ARL8B: variants seen among roughly 807,000 people sequenced by gnomAD.
The protein encoded by ARL8B is ADP-ribosylation factor-like protein 8B.
Under a neutral mutation model 30.6 loss-of-function variants are expected in ARL8B, and 9 were observed. The observed-to-expected ratio is 0.29, with a 90% CI of 0.18 to 0.51. ARL8B has a LOEUF of 0.51. Among genes scored for constraint, ARL8B ranks in the 20% least tolerant of loss-of-function variants. The pLI is 0.97. For missense variants in ARL8B, 130 were observed against 227.2 expected (o/e 0.57, Z 2.75); for synonymous variants, 74 against 76.0 (o/e 0.97, Z 0.14).
intron 1 of ARL8B, among the ~76,000 whole-genome samples, chr3:5,126,181 A>T (rs2106551050): frequency 6.6e-6 from 1 of 151,508 alleles, no homozygotes; most frequent in African/African-American, 2.4e-5. Context: ...TATGTTGAGG[A>T]TGTAGTGATT....
At chr3:5,172,346 T>C in intron 3 of ARL8B, 123 bp downstream of exon 3, 1 of 819,172 alleles carries the variant, frequency 1.2e-6, no homozygotes, top group East Asian at 2.5e-5. Flanking sequence ...TCTTAGCTAA[T>C]ATCCTAGTGT....
At chr3:5,136,405 A>C (rs1344916583) in intron 1 of ARL8B, among the ~76,000 whole-genome samples, 9 of 152,172 alleles carry the variant, frequency 5.9e-5, no homozygotes, top group Admixed American at 5.9e-4. Context: ...AGTTATGAGG[A>C]ATCTGGGTTC....
At position 5,173,772 on chromosome 3, in the gene ARL8B, C is replaced by T. The variant is rs139712478; in HGVS notation, c.373-245C>T. On this transcript the variant is annotated intron_variant, in intron 4 of 6. Coordinates refer to ENST00000256496, the MANE Select transcript of ARL8B (RefSeq NM_018184.3). ...AGAATAGCAGAATGTGTATCATAGA[C>T]TCAGACTATTTTACATAGCAGTTGG... Among the ~76,000 whole-genome samples the T allele has an allele frequency of 1.3e-3, 205 of 152,280 alleles. 3 individuals carry two copies. In the East Asian group the frequency reaches 0.038, roughly 28 times the overall value.
At chr3:5,140,555 T>C (rs1359764376) in intron 1 of ARL8B, among the ~76,000 whole-genome samples, 1 of 138,774 alleles carries the variant, frequency 7.2e-6, no homozygotes, top group Non-Finnish European at 1.5e-5. Context: ...ATACACCTTC[T>C]TGGTTTTTTT....
chr3:5,138,604 A>G (rs192054061), intron 1 of ARL8B, among the ~76,000 whole-genome samples: 2 of 152,328 alleles, frequency 1.3e-5, no homozygotes, highest in African/African-American at 4.8e-5. Context: ...TGATGCAGTC[A>G]TCACATGTGA....
rs1239069274 is a variant in ARL8B, at chr3:5,172,147, A to C, written c.205-3A>C. On this transcript the variant is annotated splice_region_variant and splice_polypyrimidine_tract_variant and intron_variant, in intron 2 of 6. Transcript: ENST00000256496. ...TTAAGAATTGCCTTGTTTTGATTTAAAGATCTGGGACATAGGAGGACAACC... is the reference window on the plus strand; with the variant it reads ...TTAAGAATTGCCTTGTTTTGATTTACAGATCTGGGACATAGGAGGACAACC... The C allele has an allele frequency of 6.2e-7, 1 of 1,612,130 alleles. No individual in the cohort carries two copies. The highest frequency in any genetic ancestry group is 1.3e-5 in the African/African-American group (1 of 74,996).
intron 1 of ARL8B, among the ~76,000 whole-genome samples, chr3:5,148,743 G>C (rs1274256081): frequency 6.6e-6 from 1 of 152,166 alleles, no homozygotes; most frequent in Non-Finnish European, 1.5e-5. Context: ...GGCCAAAAAA[G>C]ATCGAAGGCT....
chr3:5,135,017 C>A (rs562401966), intron 1 of ARL8B, among the ~76,000 whole-genome samples: 123 of 152,190 alleles, frequency 8.1e-4, no homozygotes, highest in African/African-American at 2.9e-3. Flanking sequence ...CTTGGCTAAT[C>A]TTTGTGTTTT....
In ARL8B at chr3:5,147,526, TC is replaced by T. The variant is rs200971123; in HGVS notation, c.124-22975del. 4.6e-3 allele frequency among the ~76,000 whole-genome samples: 693 copies of T among 152,294 alleles called. 15 individuals carry two copies. The highest frequency in any genetic ancestry group is 0.041 in the Admixed American group (628 of 15,304). On this transcript the variant is annotated intron_variant, in intron 1 of 6. Transcript: ENST00000256496. ...GTAACATCCACTCTTAGGAGCTTTTTCCTGCGTTTCCCTTCTTTCTCTATGT... is the reference window on the plus strand; with the variant it reads ...GTAACATCCACTCTTAGGAGCTTTTTCTGCGTTTCCCTTCTTTCTCTATGT...
intron 1 of ARL8B, among the ~76,000 whole-genome samples, chr3:5,124,602 G>T (rs1028839659): frequency 6.6e-5 from 10 of 152,076 alleles, no homozygotes; most frequent in African/African-American, 2.2e-4. Flanking sequence ...AAGTAGCTGG[G>T]ACTACAGGCA....
chr3:5,158,877 A>C (rs952268254), intron 1 of ARL8B, among the ~76,000 whole-genome samples: 9 of 152,326 alleles, frequency 5.9e-5, no homozygotes, highest in South Asian at 4.1e-4. Flanking sequence ...AATTTTAATG[A>C]ATATGAAATT....
intron 1 of ARL8B, among the ~76,000 whole-genome samples, chr3:5,134,704 C>T (rs1364485752): frequency 1.3e-5 from 2 of 152,098 alleles, no homozygotes; most frequent in African/African-American, 2.4e-5. Flanking sequence ...GTCCTCATAG[C>T]CCAGTTAGGT....
At chr3:5,125,658 G>A (rs894357579) in intron 1 of ARL8B, among the ~76,000 whole-genome samples, 1 of 151,690 alleles carries the variant, frequency 6.6e-6, no homozygotes, top group African/African-American at 2.4e-5. Flanking sequence ...TCAGCCTCCC[G>A]AGTAGCTGGG....
At chr3:5,143,766 C>A (rs1362006701) in intron 1 of ARL8B, among the ~76,000 whole-genome samples, 2 of 152,172 alleles carry the variant, frequency 1.3e-5, no homozygotes, top group African/African-American at 4.8e-5. Context: ...AGTCAGAAGT[C>A]CTTTTAACCT....
At chr3:5,147,508 C>A (rs2054438994) in intron 1 of ARL8B, among the ~76,000 whole-genome samples, 1 of 152,100 alleles carries the variant, frequency 6.6e-6, no homozygotes, top group Admixed American at 6.6e-5. Flanking sequence ...CTCGTAACAT[C>A]CACTCTTAGG....
rs754767288 is a variant in ARL8B at position 5,177,673 on chromosome 3, C to G, written c.512-991C>G. On this transcript the variant is annotated intron_variant, in intron 6 of 6. Coordinates refer to ENST00000256496, the MANE Select transcript of ARL8B (RefSeq NM_018184.3). ...GTTTCACCATGTTGGCCAGGCTGGTCTCAAACTGCTGACCTCAGGTGATCA... is the reference window on the plus strand; with the variant it reads ...GTTTCACCATGTTGGCCAGGCTGGTGTCAAACTGCTGACCTCAGGTGATCA... Among the ~76,000 whole-genome samples, 58 of 152,106 alleles carry G rather than the reference C, an allele frequency of 3.8e-4. 1 individual carries two copies. The highest frequency in any genetic ancestry group is 8.2e-4 in the Non-Finnish European group (56 of 68,020).
In ARL8B at chr3:5,172,681, G is replaced by A; in HGVS notation, c.313G>A (p.Glu105Lys). 1.2e-6 allele frequency: 2 copies of A among 1,612,502 alleles called. No homozygotes were observed. Among genetic ancestry groups the A allele is most frequent in the Non-Finnish European group, 1.7e-6 (2 of 1,179,178 alleles). The change falls in exon 4 of 7, where the codon GAA (glutamate) becomes AAA (lysine). Residue 105 changes from glutamate to lysine, a missense_variant. Coordinates refer to ENST00000256496, the MANE Select transcript of ARL8B (RefSeq NM_018184.3). The stretch of plus-strand genomic sequence containing the variant: ...AGATGCTGCAGATCGTGAAAAGATA[G>A]AAGCTTCCCGAAATGAGCTACATAA... ...MIDAADREKI[E>K]ASRNELHNLL...
intron 2 of ARL8B, 138 bp from the exon 3 acceptor site, chr3:5,172,012 A>G (rs1250249928): frequency 1.4e-6 from 1 of 718,806 alleles, no homozygotes; most frequent in Non-Finnish European, 2.3e-6. Context: ...GTTTGAGGTC[A>G]AGTCTTTCAG....
intron 1 of ARL8B, among the ~76,000 whole-genome samples, chr3:5,159,717 A>G (rs1475251833): frequency 6.6e-5 from 10 of 151,788 alleles, no homozygotes; most frequent in Admixed American, 6.6e-4. Flanking sequence ...TTTTAAGTTC[A>G]GTAATAGAAA....
Sources: allele counts gnomAD v4.1 joint callset (sites outside exome capture counted in the v4.1 genomes callset), GRCh38; gene constraint gnomAD v4.1.1; transcripts MANE v1.5; gene names NCBI Gene and HGNC (gene_info 2026-07-23, HGNC 2026-07-21).